Variants in MAST4 observed in about 807,000 individuals in gnomAD.
The protein encoded by MAST4 is microtubule associated serine/threonine kinase family member 4.
A neutral mutation model predicts 162.7 loss-of-function variants in MAST4; 89 were observed. That is an observed-to-expected ratio of 0.55 (90% CI 0.46 to 0.65). The LOEUF (loss-of-function observed/expected upper bound fraction) is 0.65, where lower values mean the gene tolerates loss of function less well. Among genes scored for constraint, MAST4 ranks in the 30% least tolerant of loss-of-function variants. The pLI is 0.00. For synonymous variants in MAST4, 1,479 were observed against 1,361.1 expected, an observed-to-expected ratio of 1.09 and a Z score of -1.91; for missense variants, 3,153 against 3,374.0, an observed-to-expected ratio of 0.93 and a Z score of 1.62.
At chr5:66,998,239 T>C (rs1015917533) in intron 4 of MAST4, among the ~76,000 whole-genome samples, 1 of 152,242 alleles carries the variant, frequency 6.6e-6, no homozygotes, top group African/African-American at 2.4e-5. Context: ...AAGAGCTGTA[T>C]AAGAAATGAT....
At chr5:67,118,862 A>G (rs979444563) in intron 13 of MAST4, 113 bp downstream of exon 13, 9 of 661,738 alleles carry the variant, frequency 1.4e-5, no homozygotes, top group Non-Finnish European at 2.4e-5. Flanking sequence ...CTATGTGAAT[A>G]TATGAATAAG....
At chr5:66,815,826 C>T (rs963442579) in intron 3 of MAST4, among the ~76,000 whole-genome samples, 1 of 152,150 alleles carries the variant, frequency 6.6e-6, no homozygotes, top group Non-Finnish European at 1.5e-5. Context: ...TTAACAGGCT[C>T]CTCACAAACG....
intron 1 of MAST4, among the ~76,000 whole-genome samples, chr5:66,732,680 C>T (rs1751928224): frequency 6.6e-6 from 1 of 152,198 alleles, no homozygotes; most frequent in Admixed American, 6.5e-5. Context: ...CATACTCCAT[C>T]TGCAAATGCT....
chr5:67,004,982 A>T, intron 4 of MAST4: 1 of 765,664 alleles, frequency 1.3e-6, no homozygotes, highest in South Asian at 1.4e-5. Flanking sequence ...AGTGAATTGA[A>T]GAGAGAAAGA....
At chr5:66,687,488 A>G (rs1748740732) in intron 1 of MAST4, among the ~76,000 whole-genome samples, 1 of 150,200 alleles carries the variant, frequency 6.7e-6, no homozygotes, top group African/African-American at 2.5e-5. Context: ...GTATACATAC[A>G]TATATGTATA....
At chr5:66,725,223 C>CT (rs560345579) in intron 1 of MAST4, among the ~76,000 whole-genome samples, 2 of 151,598 alleles carry the variant, frequency 1.3e-5, no homozygotes, top group African/African-American at 4.8e-5. Flanking sequence ...TGGCTTTATG[C>CT]TTTTTTTCTA....
intron 4 of MAST4, among the ~76,000 whole-genome samples, chr5:66,984,877 G>T (rs1749295361): frequency 6.6e-6 from 1 of 152,126 alleles, no homozygotes; most frequent in Admixed American, 6.5e-5. Flanking sequence ...TTGAGAGGGC[G>T]GGGAGCAGGA....
chr5:67,090,089 A>T (rs1763662049), intron 5 of MAST4, 73 bp from the exon 6 acceptor site: 2 of 1,058,156 alleles, frequency 1.9e-6, no homozygotes, highest in African/African-American at 1.6e-5. Flanking sequence ...ACTTATTTCT[A>T]AGGAGAGAAT....
At chr5:66,856,815 G>A (rs1236644009) in intron 3 of MAST4, among the ~76,000 whole-genome samples, 1 of 152,192 alleles carries the variant, frequency 6.6e-6, no homozygotes, top group Non-Finnish European at 1.5e-5. Context: ...ACCTGGACAA[G>A]AATTATGGTG....
intron 1 of MAST4, among the ~76,000 whole-genome samples, chr5:66,620,004 T>C (rs1185082795): frequency 1.3e-5 from 2 of 150,780 alleles, no homozygotes; most frequent in Non-Finnish European, 3.0e-5. Context: ...AGAATTTTAG[T>C]ATTTTAAATA....
intron 5 of MAST4, among the ~76,000 whole-genome samples, chr5:67,079,699 G>A (rs548390705): frequency 1.3e-5 from 2 of 152,260 alleles, no homozygotes; most frequent in East Asian, 3.9e-4. Flanking sequence ...TCATTTTTGG[G>A]ACTCTGTCCC....
chr5:66,724,290 G>A (rs749858454), intron 1 of MAST4, among the ~76,000 whole-genome samples: 10 of 152,178 alleles, frequency 6.6e-5, no homozygotes, highest in Non-Finnish European at 1.0e-4. Flanking sequence ...GTGGAGCACA[G>A]AGGAATACAG....
At chr5:67,080,842 G>A (rs937152968) in intron 5 of MAST4, among the ~76,000 whole-genome samples, 4 of 149,706 alleles carry the variant, frequency 2.7e-5, no homozygotes, top group Non-Finnish European at 4.4e-5. Flanking sequence ...ATGTTTGTTA[G>A]ATATGATTAA....
At chr5:66,767,421 A>G (rs1754151448) in intron 2 of MAST4, among the ~76,000 whole-genome samples, 1 of 152,150 alleles carries the variant, frequency 6.6e-6, no homozygotes, top group Non-Finnish European at 1.5e-5. Flanking sequence ...AGGACTGTGG[A>G]ATCACAGAAG....
intron 4 of MAST4, among the ~76,000 whole-genome samples, chr5:66,927,413 A>G (rs1299910212): frequency 6.6e-6 from 1 of 152,224 alleles, no homozygotes; most frequent in Non-Finnish European, 1.5e-5. Flanking sequence ...GCAGGTTTTG[A>G]AATTTAGGTA....
At chr5:66,642,308 T>C (rs1434019403) in intron 1 of MAST4, among the ~76,000 whole-genome samples, 1 of 152,176 alleles carries the variant, frequency 6.6e-6, no homozygotes, top group Non-Finnish European at 1.5e-5. Flanking sequence ...ATAGAGTTTC[T>C]TCAAATCACA....
intron 1 of MAST4, among the ~76,000 whole-genome samples, chr5:66,642,362 CTT>C (rs1745542987): frequency 6.6e-6 from 1 of 152,176 alleles, no homozygotes; most frequent in African/African-American, 2.4e-5. Flanking sequence ...TTATAAAAAA[CTT>C]AAGTGTATCA....
chr5:66,626,042 T>C (rs1744404191), intron 1 of MAST4, among the ~76,000 whole-genome samples: 1 of 152,136 alleles, frequency 6.6e-6, no homozygotes, highest in South Asian at 2.1e-4. Context: ...AAATATTGCA[T>C]GATATAACTT....
At chr5:67,115,151 A>C (rs1248644922) in intron 12 of MAST4, 1 of 152,130 alleles carries the variant, frequency 6.6e-6, no homozygotes, top group East Asian at 1.9e-4. Context: ...ACTTTTAAAA[A>C]TCTGATATTG....
Sources: gnomAD v4.1 joint callset for allele counts (sites outside exome capture counted in the v4.1 genomes callset) on GRCh38, gnomAD v4.1.1 for gene constraint, MANE v1.5 for transcripts, NCBI Gene and HGNC (gene_info 2026-07-23, HGNC 2026-07-21) for gene names.